MTX2: variants seen among roughly 807,000 people sequenced by gnomAD.
MTX2 encodes the protein metaxin 2.
MTX2 carries 35 observed loss-of-function variants against 42.3 expected under a neutral mutation model. The ratio of observed to expected loss-of-function variants is 0.83; its 90% CI spans 0.63 to 1.10. The LOEUF (loss-of-function observed/expected upper bound fraction) is 1.10, where lower values mean the gene tolerates loss of function less well. MTX2 is among the 50% of genes least tolerant of loss of function. The pLI is 0.00. For synonymous variants in MTX2, 119 were observed against 100.9 expected, an observed-to-expected ratio of 1.18 and a Z score of -1.08; for missense variants, 307 against 304.1, an observed-to-expected ratio of 1.01 and a Z score of -0.07.
intron 3 of MTX2, among the ~76,000 whole-genome samples, chr2:176,302,597 C>T (rs1684050456): frequency 6.6e-6 from 1 of 151,866 alleles, no homozygotes; most frequent in African/African-American, 2.4e-5. Context: ...CCACCAAGCC[C>T]AGCTATTTTT....
intron 9 of MTX2, among the ~76,000 whole-genome samples, chr2:176,337,135 G>A (rs1045267625): frequency 2.6e-5 from 4 of 151,938 alleles, no homozygotes; most frequent in Non-Finnish European, 5.9e-5. Flanking sequence ...TCCACCTCCC[G>A]GGCTTAAGCC....
At position 176,269,484 on chromosome 2, in the gene MTX2, A is replaced by C. The variant is rs1044706452; in HGVS notation, c.-146A>C. On this transcript the variant is annotated 5_prime_UTR_variant, in exon 1 of 10. Transcript: ENST00000249442. ...GCGGTAACCTTGGGGGCCTCACTGC[A>C]GCCGCCGCTGCTGTTGGAGTGGGCT... 1.1e-6 allele frequency: 1 copy of C among 903,474 alleles called. No individual in the cohort carries two copies. Among genetic ancestry groups the C allele is most frequent in the Non-Finnish European group, 1.6e-6 (1 of 632,704 alleles). The allele number at this position is 903,474 out of a possible 1,614,324, so 56.0% of individuals were successfully genotyped here.
Position 176,296,898 on chromosome 2 carries a change from C to T in MTX2, c.79C>T (p.Gln27Ter), listed in dbSNP as rs1411187145. ...PWPENATLYQ[Q>*]LKGEQILLSD... ...GCCTGAAAATGCTACATTATATCAG[C>T]AATTGAAAGGTAAGTCTTGTTCACA... Residue 27 changes from glutamine (Q) to a stop codon, truncating the protein, a stop_gained, in exon 2 of 10, where the codon CAA (glutamine) becomes TAA (stop). Coordinates refer to ENST00000249442, the MANE Select transcript of MTX2 (RefSeq NM_006554.5). LOFTEE classifies it high-confidence loss of function. 1 of 1,612,938 alleles carries T rather than the reference C, an allele frequency of 6.2e-7. No homozygotes were observed. Among genetic ancestry groups the T allele is most frequent in the Non-Finnish European group, 8.5e-7 (1 of 1,179,298 alleles).
At chr2:176,327,850 T>C (rs1346980923) in intron 5 of MTX2, among the ~76,000 whole-genome samples, 1 of 151,066 alleles carries the variant, frequency 6.6e-6, no homozygotes, top group East Asian at 1.9e-4. Context: ...TATCATTTTA[T>C]GTATCTCCTA....
At chr2:176,297,036 C>T in intron 2 of MTX2, 129 bp downstream of exon 2, 1 of 1,044,854 alleles carries the variant, frequency 9.6e-7, no homozygotes, top group Non-Finnish European at 1.4e-6. Flanking sequence ...TATAATTTGT[C>T]TAGGAGGTTT....
Position 176,328,878 on chromosome 2 carries a change from A to G in MTX2, c.383A>G (p.Tyr128Cys), listed in dbSNP as rs775828291. 1.9e-6 allele frequency: 3 copies of G among 1,607,122 alleles called. No homozygotes were observed. The highest frequency in any genetic ancestry group is 4.5e-5 in the East Asian group (2 of 44,680). The change falls in exon 7 of 10, where the codon TAT (tyrosine) becomes TGT (cysteine). Residue 128 changes from tyrosine (Y) to cysteine (C), a missense_variant. Tyr to Cys is a radical substitution (Grantham distance 194). Coordinates refer to ENST00000249442, the MANE Select transcript of MTX2 (RefSeq NM_006554.5). The part of the protein sequence containing the change: ...VNNMLLTAEL[Y>C]LQWCDEATVG... ...TGACTGTTCTTTTGTTCCTAGCTGT[A>G]TCTTCAGTGGTGTGATGAAGCTACA...
At chr2:176,315,120 T>C (rs1386402645) in intron 3 of MTX2, among the ~76,000 whole-genome samples, 1 of 152,188 alleles carries the variant, frequency 6.6e-6, no homozygotes, top group African/African-American at 2.4e-5. Flanking sequence ...TCAAAGCACA[T>C]GGCCGTACTC....
intron 3 of MTX2, among the ~76,000 whole-genome samples, chr2:176,314,436 C>CAA (rs750058257): frequency 8.5e-4 from 103 of 120,616 alleles, no homozygotes; most frequent in African/African-American, 2.9e-3. Flanking sequence ...GACTCTGTCT[C>CAA]AAAAAAAAAA....
intron 1 of MTX2, among the ~76,000 whole-genome samples, chr2:176,284,972 A>G (rs1206909282): frequency 6.6e-6 from 1 of 152,194 alleles, no homozygotes; most frequent in African/African-American, 2.4e-5. Context: ...AACTTTATCA[A>G]GTTCCTCAAG....
intron 3 of MTX2, among the ~76,000 whole-genome samples, chr2:176,314,872 G>T (rs1197575293): frequency 6.6e-6 from 1 of 152,154 alleles, no homozygotes; most frequent in East Asian, 1.9e-4. Flanking sequence ...CGCTATAGGT[G>T]CAGGAAGCAG....
intron 3 of MTX2, among the ~76,000 whole-genome samples, chr2:176,303,236 G>C (rs1041041891): frequency 1.3e-5 from 2 of 152,020 alleles, no homozygotes; most frequent in South Asian, 4.1e-4. Context: ...TTTAAAAATT[G>C]ACAAAACTTT....
chr2:176,335,708 G>T (rs570642303), intron 9 of MTX2, among the ~76,000 whole-genome samples: 18 of 152,072 alleles, frequency 1.2e-4, no homozygotes, highest in South Asian at 6.2e-4. Flanking sequence ...CAGCTGGTTG[G>T]ATAGTGGTGC....
intron 9 of MTX2, among the ~76,000 whole-genome samples, chr2:176,333,521 C>T (rs4346418): frequency 0.56 from 84,285 of 151,234 alleles, 23,603 homozygotes; most frequent in Admixed American, 0.64. Flanking sequence ...ATTTGTACTT[C>T]TTAAAAAGAC....
intron 3 of MTX2, among the ~76,000 whole-genome samples, chr2:176,306,460 T>C (rs1684146327): frequency 6.6e-6 from 1 of 152,214 alleles, no homozygotes; most frequent in Non-Finnish European, 1.5e-5. Flanking sequence ...GTAATTCTAG[T>C]TCTAGATCCT....
intron 1 of MTX2, among the ~76,000 whole-genome samples, chr2:176,296,490 A>G (rs1683887039): frequency 6.6e-6 from 1 of 152,182 alleles, no homozygotes; most frequent in Non-Finnish European, 1.5e-5. Flanking sequence ...TGAATTAAAC[A>G]TCAGTATCTT....
At chr2:176,327,776 A>G (rs1684745038) in intron 5 of MTX2, among the ~76,000 whole-genome samples, 1 of 150,842 alleles carries the variant, frequency 6.6e-6, no homozygotes, top group Non-Finnish European at 1.5e-5. Flanking sequence ...GAGTGGTATT[A>G]GGATGTCATA....
At chr2:176,281,012 G>T (rs560103858) in intron 1 of MTX2, among the ~76,000 whole-genome samples, 2 of 152,242 alleles carry the variant, frequency 1.3e-5, no homozygotes, top group African/African-American at 4.8e-5. Context: ...TATTAAGATG[G>T]CCATCTTGAG....
chr2:176,307,145 C>T (rs1224024200), intron 3 of MTX2, among the ~76,000 whole-genome samples: 1 of 152,204 alleles, frequency 6.6e-6, no homozygotes, highest in African/African-American at 2.4e-5. Context: ...GTTTTCCCAG[C>T]ACCATTTATT....
chr2:176,276,861 A>G (rs1692959767), intron 1 of MTX2, among the ~76,000 whole-genome samples: 1 of 152,166 alleles, frequency 6.6e-6, no homozygotes. Context: ...TAGTTTCATC[A>G]TACTATAATT....
Sources: gnomAD v4.1 joint callset for allele counts (sites outside exome capture counted in the v4.1 genomes callset) on GRCh38, gnomAD v4.1.1 for gene constraint, MANE v1.5 for transcripts, NCBI Gene and HGNC (gene_info 2026-07-23, HGNC 2026-07-21) for gene names.